The following DHRS12 variants were observed in gnomAD, a reference collection of about 807,000 sequenced individuals.
DHRS12 encodes the protein dehydrogenase/reductase 12.
DHRS12 carries 29 observed loss-of-function variants against 32.1 expected under a neutral mutation model. The observed-to-expected ratio is 0.90, with a 90% CI of 0.67 to 1.23. The LOEUF (loss-of-function observed/expected upper bound fraction) is 1.23, where lower values mean the gene tolerates loss of function less well. Among genes scored for constraint, DHRS12 ranks in the 50% most tolerant of loss-of-function variants. The probability of loss-of-function intolerance (pLI) is 0.00; values close to 1 mark genes in which losing one functional copy is unlikely to be tolerated. For missense variants in DHRS12, 330 were observed against 337.2 expected (o/e 0.98, Z 0.17); for synonymous variants, 150 against 135.9 (o/e 1.10, Z -0.72).
Position 51,773,995 on chromosome 13 carries a change from TCA to T in DHRS12, c.401_402del (p.Leu134GlnfsTer4). 6.2e-7 allele frequency: 1 copy of T among 1,614,030 alleles called. No individual in the cohort carries two copies. Among genetic ancestry groups the T allele is most frequent in the Non-Finnish European group, 8.5e-7 (1 of 1,179,944 alleles). On this transcript the variant is annotated frameshift_variant, in exon 6 of 9. Transcript: ENST00000444610. LOFTEE classifies it high-confidence loss of function. ...VSSGGMLVQKLNTNDLQSERT... is the reference protein window; with the variant it reads ...VSSGGMLVQKXNTNDLQSERT... ...CTTTCGGACTGGAGATCATTGGTGT[TCA>T]GTTTCTGAACCAACATTCCTCCTGA... is the stretch of plus-strand genomic sequence containing the variant.
chr13:51,778,649 C>T (rs796685089), intron 4 of DHRS12, among the ~76,000 whole-genome samples: 2 of 152,106 alleles, frequency 1.3e-5, no homozygotes, highest in African/African-American at 2.4e-5. Flanking sequence ...CTGCTGCCTG[C>T]GAAGGGCACC....
the DHRS12 span, chr13:51,761,073 A>G: frequency 6.6e-6 from 1 of 152,344 alleles, no homozygotes; most frequent in Middle Eastern, 3.4e-3. Flanking sequence ...TCTGTATTCT[A>G]TCCCTTTAAA....
intron 3 of DHRS12, 118 bp from the exon 4 acceptor site, chr13:51,790,210 C>A: frequency 2.9e-6 from 2 of 694,450 alleles, no homozygotes; most frequent in South Asian, 2.2e-5. Flanking sequence ...GTGACAATGA[C>A]AATTTGCTCA....
intron 8 of DHRS12, 178 bp from the exon 9 acceptor site, chr13:51,768,474 G>T: frequency 7.0e-7 from 1 of 1,429,580 alleles, no homozygotes. Flanking sequence ...GGATTGATAT[G>T]TAAAGTGCAG....
At chr13:51,763,965 T>TATG (rs1263874115), downstream of DHRS12, 1 of 152,250 alleles carries the variant, frequency 6.6e-6, no homozygotes, top group Non-Finnish European at 1.5e-5. Flanking sequence ...ATTTTAATTC[T>TATG]ATGTCAGTGT....
intron 4 of DHRS12, among the ~76,000 whole-genome samples, chr13:51,784,410 T>C (rs967531910): frequency 2.6e-5 from 4 of 152,016 alleles, no homozygotes; most frequent in African/African-American, 9.7e-5. Context: ...AGCATAGAGG[T>C]AGCACTGCCA....
chr13:51,787,466 C>T (rs922485386), intron 4 of DHRS12, among the ~76,000 whole-genome samples: 5 of 151,650 alleles, frequency 3.3e-5, no homozygotes, highest in Non-Finnish European at 5.9e-5. Flanking sequence ...TAGGATAACA[C>T]GGTGATGGGG....
At chr13:51,791,613 T>C (rs977312954) in intron 2 of DHRS12, among the ~76,000 whole-genome samples, 1 of 152,094 alleles carries the variant, frequency 6.6e-6, no homozygotes, top group Non-Finnish European at 1.5e-5. Flanking sequence ...TTTATTTTAT[T>C]GTGATAAGGA....
At chr13:51,801,136 A>C (rs1955735598) in intron 1 of DHRS12, among the ~76,000 whole-genome samples, 1 of 152,196 alleles carries the variant, frequency 6.6e-6, no homozygotes, top group Non-Finnish European at 1.5e-5. Flanking sequence ...TGCCGCATCT[A>C]AGGCACTTAT....
chr13:51,797,334 A>C (rs1018598202), intron 2 of DHRS12, among the ~76,000 whole-genome samples: 1 of 152,234 alleles, frequency 6.6e-6, no homozygotes. Flanking sequence ...TATGTAGCCA[A>C]TCCTGGTTCC....
intron 2 of DHRS12, among the ~76,000 whole-genome samples, chr13:51,793,635 T>C (rs1012215635): frequency 5.9e-5 from 9 of 152,196 alleles, no homozygotes; most frequent in Non-Finnish European, 1.3e-4. Context: ...AGAGCTATTC[T>C]CTTTTAAAAT....
rs560773512 is a variant in DHRS12 at position 51,788,456 on chromosome 13, C to T, written c.301+1555G>A. Among the ~76,000 whole-genome samples, 33 of 152,230 alleles carry T rather than the reference C, an allele frequency of 2.2e-4. 1 individual carries two copies. Among genetic ancestry groups the T allele is most frequent in the Non-Finnish European group, 4.1e-4 (28 of 68,000 alleles). On this transcript the variant is annotated intron_variant, in intron 4 of 8. Transcript: ENST00000444610. ...CTGGGGAGAAGGCATCTTCCCACTC[C>T]TAGCCTTTCTTTCCTTGAGAAGAGA... is the stretch of plus-strand genomic sequence containing the variant.
the DHRS12 span, chr13:51,759,884 C>G: frequency 8.2e-7 from 1 of 1,224,550 alleles, no homozygotes; most frequent in South Asian, 1.4e-5. Context: ...AACTAAAGAC[C>G]CTGAATGAAT....
chr13:51,756,210 T>A, the DHRS12 span: 1 of 1,416,632 alleles, frequency 7.1e-7, no homozygotes, highest in South Asian at 1.4e-5. Flanking sequence ...TCTGGGGCTC[T>A]CTTGTTCAGC....
the DHRS12 span, chr13:51,758,378 C>A: frequency 9.0e-7 from 1 of 1,108,092 alleles, no homozygotes; most frequent in Non-Finnish European, 1.3e-6. Context: ...ACATGGGAGG[C>A]ACTGTTCTAA....
At chr13:51,777,433 A>G (rs1954488206) in intron 4 of DHRS12, 2 of 380,876 alleles carry the variant, frequency 5.3e-6, no homozygotes, top group Non-Finnish European at 9.7e-6. Context: ...ATGCATCTAT[A>G]TGTCCAGTCT....
At position 51,777,088 on chromosome 13, in the gene DHRS12, A is replaced by C; in HGVS notation, c.335T>G (p.Val112Gly). 6.2e-7 allele frequency: 1 copy of C among 1,614,074 alleles called. No individual in the cohort carries two copies. Among genetic ancestry groups the C allele is most frequent in the Non-Finnish European group, 8.5e-7 (1 of 1,180,020 alleles). Residue 112 changes from valine to glycine, a missense_variant, in exon 5 of 9, where the codon GTG (valine) becomes GGG (glycine). By Grantham distance (109) the Val-to-Gly change is moderately radical (BLOSUM62 -3). Coordinates refer to ENST00000444610, the MANE Select transcript of DHRS12 (RefSeq NM_001377533.1). The stretch of plus-strand genomic sequence containing the variant: ...TCGGGGGTCGTGTTCTTTCTCCAGC[A>C]CAGGGATCAGGCCGGTCGTGAGAAT... ...VYILTTGLIPVLEKEHDPRVI... is the reference protein window; with the variant it reads ...VYILTTGLIPGLEKEHDPRVI...
At chr13:51,794,350 C>T (rs973289723) in intron 2 of DHRS12, among the ~76,000 whole-genome samples, 1 of 152,090 alleles carries the variant, frequency 6.6e-6, no homozygotes, top group Admixed American at 6.5e-5. Flanking sequence ...GAGCAGTTCC[C>T]ACAATGAGCA....
chr13:51,761,985 T>G, the DHRS12 span: 1 of 152,262 alleles, frequency 6.6e-6, no homozygotes, highest in South Asian at 2.1e-4. Context: ...TCTGCATGAT[T>G]GCTCTTTGAG....
Sources: gnomAD v4.1 joint callset for allele counts (sites outside exome capture counted in the v4.1 genomes callset) on GRCh38, gnomAD v4.1.1 for gene constraint, MANE v1.5 for transcripts, NCBI Gene and HGNC (gene_info 2026-07-23, HGNC 2026-07-21) for gene names.